Variants in SYTL2 observed in about 807,000 individuals in gnomAD.
The protein encoded by SYTL2 is synaptotagmin like 2.
In SYTL2, 165 loss-of-function variants were observed where a neutral mutation model predicts 198.7. The observed-to-expected ratio is 0.83, with a 90% confidence interval of 0.73 to 0.94. The LOEUF (loss-of-function observed/expected upper bound fraction) is 0.94. Among genes scored for constraint, SYTL2 ranks in the 40% least tolerant of loss-of-function variants. The probability of loss-of-function intolerance (pLI) is 0.00; values close to 1 mark genes in which losing one functional copy is unlikely to be tolerated. For synonymous variants in SYTL2, 966 were observed against 917.7 expected, an observed-to-expected ratio of 1.05 and a Z score of -0.95; for missense variants, 2,835 against 2,582.8, an observed-to-expected ratio of 1.10 and a Z score of -2.12.
chr11:85,748,217 G>A (rs545106113), intron 3 of SYTL2, 55 bp downstream of exon 3: 24 of 1,571,120 alleles, frequency 1.5e-5, no homozygotes, highest in South Asian at 5.7e-5. Context: ...CCTTCTCCCC[G>A]CTCCTCCTTC....
intron 1 of SYTL2, among the ~76,000 whole-genome samples, chr11:85,800,636 T>A (rs1435009031): frequency 1.3e-5 from 2 of 152,148 alleles, no homozygotes; most frequent in African/African-American, 4.8e-5. Flanking sequence ...GCCCAAGACT[T>A]GCTTTTAGTT....
At chr11:85,825,475 A>G in the SYTL2 span, among the ~76,000 whole-genome samples, 1 of 152,136 alleles carries the variant, frequency 6.6e-6, no homozygotes, top group East Asian at 1.9e-4. Flanking sequence ...ATTTTGCAAC[A>G]TGGAGCAACG....
upstream of SYTL2, among the ~76,000 whole-genome samples, chr11:85,814,562 T>C (rs2093059333): frequency 6.6e-6 from 1 of 152,204 alleles, no homozygotes; most frequent in South Asian, 2.1e-4. Context: ...TCTATGGAAC[T>C]GAACAAAATG....
At position 85,727,418 on chromosome 11, in the gene SYTL2, A is replaced by C. The variant is rs546388904; in HGVS notation, c.1940T>G (p.Met647Arg). 2.5e-5 allele frequency: 39 copies of C among 1,536,346 alleles called. No homozygotes were observed. In the Admixed American group the frequency reaches 3.3e-4, roughly 13 times the overall value. Residue 647 changes from methionine to arginine, a missense_variant, in exon 8 of 20, where the codon ATG (methionine) becomes AGG (arginine). Met to Arg is a moderately conservative substitution (Grantham distance 91). This residue lies in a region of SYTL2 where 2,645 missense variants were observed against 2,381.7 expected (regional missense o/e 1.11). Transcript: ENST00000359152. ...YGTPSQGSKN[M>R]DYSQDSKSPG... Reference sequence around the variant, plus strand: ...GCTTTTTGAATCTTGGCTATAGTCCATATTTTTACTCCCTTGACTTGGGGT... The same window carrying C: ...GCTTTTTGAATCTTGGCTATAGTCCCTATTTTTACTCCCTTGACTTGGGGT...
At chr11:85,850,296 T>G in the SYTL2 span, among the ~76,000 whole-genome samples, 1 of 151,974 alleles carries the variant, frequency 6.6e-6, no homozygotes, top group Non-Finnish European at 1.5e-5. Context: ...TCCTGCCTAA[T>G]TGCCCTGGCC....
At chr11:85,714,726 A>G in intron 11 of SYTL2, 2 of 1,173,544 alleles carry the variant, frequency 1.7e-6, no homozygotes. Flanking sequence ...AACCAAATAC[A>G]AAACAAAGTT....
At chr11:85,739,492 C>T (rs1441345276) in intron 4 of SYTL2, among the ~76,000 whole-genome samples, 2 of 152,068 alleles carry the variant, frequency 1.3e-5, no homozygotes, top group East Asian at 1.9e-4. Context: ...TTAAAGTTTA[C>T]AGTCTGCTTA....
At chr11:85,789,372 ATATAT>A (rs2092694617) in intron 1 of SYTL2, among the ~76,000 whole-genome samples, 1 of 41,918 alleles carries the variant, frequency 2.4e-5, no homozygotes, top group Non-Finnish European at 4.4e-5. Flanking sequence ...ATATATATAT[ATATAT>A]GTATATATAT....
intron 1 of SYTL2, among the ~76,000 whole-genome samples, chr11:85,766,804 G>A: frequency 6.6e-6 from 1 of 152,208 alleles, no homozygotes; most frequent in East Asian, 1.9e-4. Context: ...CTTTTAACCA[G>A]AGGATTTAAT....
At chr11:85,790,293 C>T (rs1367382460) in intron 1 of SYTL2, among the ~76,000 whole-genome samples, 4 of 151,982 alleles carry the variant, frequency 2.6e-5, no homozygotes, top group Admixed American at 6.6e-5. Flanking sequence ...CTGTTTTGAC[C>T]TACAGAAATA....
rs149804528 is a variant in SYTL2 at position 85,699,963 on chromosome 11, C to G, written c.6268+552G>C. Reference sequence around the variant, plus strand: ...ATTCCCACCTGTGAAAAAGAACACTCAGGTTCTATTCTTATAGCACTATCA... The same window carrying G: ...ATTCCCACCTGTGAAAAAGAACACTGAGGTTCTATTCTTATAGCACTATCA... On this transcript the variant is annotated intron_variant, in intron 17 of 19. Coordinates refer to ENST00000359152, the MANE Select transcript of SYTL2 (RefSeq NM_206927.4). Among the ~76,000 whole-genome samples the G allele has an allele frequency of 4.8e-3, 732 of 152,288 alleles. 7 individuals carry two copies. The highest frequency in any genetic ancestry group is 0.017 in the African/African-American group (719 of 41,556).
At chr11:85,812,206 C>G (rs1383292420), upstream of SYTL2, among the ~76,000 whole-genome samples, 1 of 152,228 alleles carries the variant, frequency 6.6e-6, no homozygotes, top group Non-Finnish European at 1.5e-5. Flanking sequence ...AGGAGATGAA[C>G]CTTAAAGCCT....
chr11:85,832,821 G>A, the SYTL2 span, among the ~76,000 whole-genome samples: 1 of 149,540 alleles, frequency 6.7e-6, no homozygotes, highest in Admixed American at 6.7e-5. Flanking sequence ...GTGAGACCTT[G>A]TATCTACAAA....
intron 1 of SYTL2, among the ~76,000 whole-genome samples, chr11:85,775,089 C>T (rs1260026731): frequency 2.0e-5 from 3 of 152,018 alleles, no homozygotes; most frequent in Non-Finnish European, 2.9e-5. Context: ...AGGCAGACTA[C>T]TGGAGAAAAA....
intron 2 of SYTL2, among the ~76,000 whole-genome samples, chr11:85,752,182 C>CTAT (rs1479796123): frequency 6.6e-6 from 1 of 152,172 alleles, no homozygotes; most frequent in Non-Finnish European, 1.5e-5. Flanking sequence ...AGCTGCTGGC[C>CTAT]AGATAGGTTG....
chr11:85,787,701 C>CTTTTTTTTTTTTTTTTTTTTTT (rs56177666), intron 1 of SYTL2, among the ~76,000 whole-genome samples: 5 of 90,412 alleles, frequency 5.5e-5, no homozygotes, highest in Non-Finnish European at 1.2e-4. Context: ...TTTTCTTTTC[C>CTTTTTTTTTTTTTTTTTTTTTT]TTTTTTTTTT....
chr11:85,782,676 C>T (rs1296813025), intron 1 of SYTL2, among the ~76,000 whole-genome samples: 1 of 152,226 alleles, frequency 6.6e-6, no homozygotes, highest in African/African-American at 2.4e-5. Context: ...CAGGTCACAT[C>T]TTGAACACTT....
the SYTL2 span, among the ~76,000 whole-genome samples, chr11:85,849,609 T>A: frequency 6.6e-6 from 1 of 150,708 alleles, no homozygotes; most frequent in Non-Finnish European, 1.5e-5. Context: ...ATATGCGGCG[T>A]TATTTCTGAG....
At position 85,726,745 on chromosome 11, in the gene SYTL2, AG is replaced by A. The variant is rs1565930344; in HGVS notation, c.2612del (p.Ser871PhefsTer14). ...TCTCTTTAGATTTATTTGAGGAATA[AG>A]AATTGGAGAGCTGGGATGCTTGATC... is the stretch of plus-strand genomic sequence containing the variant. Reference protein sequence around the residue: ...EDDQASQLSNSYSSNKSKETK... With the variant: ...EDDQASQLSNXYSSNKSKETK... On this transcript the variant is annotated frameshift_variant, in exon 8 of 20. Transcript: ENST00000359152. LOFTEE classifies it high-confidence loss of function. 1 of 1,536,144 alleles carries A rather than the reference AG, an allele frequency of 6.5e-7. No individual in the cohort carries two copies. The highest frequency in any genetic ancestry group is 2.4e-5 in the East Asian group (1 of 40,918).
Sources: gnomAD v4.1 joint callset for allele counts (sites outside exome capture counted in the v4.1 genomes callset) on GRCh38, gnomAD v4.1.1 for gene constraint, gnomAD v4.1.1 regional missense constraint, MANE v1.5 for transcripts, NCBI Gene and HGNC (gene_info 2026-07-23, HGNC 2026-07-21) for gene names.